CREB5: variants seen among roughly 807,000 people sequenced by gnomAD.
The protein encoded by CREB5 is cyclic AMP-responsive element-binding protein 5.
Under a neutral mutation model 57.1 loss-of-function variants are expected in CREB5, and 19 were observed. The observed-to-expected ratio is 0.33, with a 90% confidence interval of 0.23 to 0.49. The LOEUF (loss-of-function observed/expected upper bound fraction) is 0.49. Ranked by LOEUF, CREB5 falls within the 20% of genes least tolerant of loss-of-function variation. CREB5 has a pLI of 0.99. For missense variants in CREB5, 579 were observed against 671.6 expected (o/e 0.86, Z 1.52); for synonymous variants, 238 against 238.3 (o/e 1.00, Z 0.01).
chr7:28,482,965 G>T (rs920274654), intron 1 of CREB5, among the ~76,000 whole-genome samples: 1 of 152,176 alleles, frequency 6.6e-6, no homozygotes, highest in Non-Finnish European at 1.5e-5. Flanking sequence ...GAGGAAACTT[G>T]TGCCATCCCA....
chr7:28,548,624 C>G (rs150359232), intron 4 of CREB5, among the ~76,000 whole-genome samples: 1 of 152,282 alleles, frequency 6.6e-6, no homozygotes, highest in African/African-American at 2.4e-5. Flanking sequence ...CATAGAAATT[C>G]CCATGATGCT....
At chr7:28,534,656 A>G (rs1793881893) in intron 4 of CREB5, among the ~76,000 whole-genome samples, 1 of 150,418 alleles carries the variant, frequency 6.6e-6, no homozygotes, top group Non-Finnish European at 1.5e-5. Context: ...TTCCTCTTTC[A>G]TTTACCTTAC....
intron 1 of CREB5, among the ~76,000 whole-genome samples, chr7:28,373,239 T>C (rs757260102): frequency 1.2e-4 from 19 of 152,122 alleles, no homozygotes; most frequent in Admixed American, 9.8e-4. Flanking sequence ...ACGGTCAGGA[T>C]TGACAAAAAG....
intron 5 of CREB5, among the ~76,000 whole-genome samples, chr7:28,621,226 G>A (rs1401504591): frequency 6.6e-6 from 1 of 152,082 alleles, no homozygotes; most frequent in Non-Finnish European, 1.5e-5. Context: ...CCACATCTCT[G>A]GTAGCATAAT....
At chr7:28,788,360 T>G (rs1807459304) in intron 7 of CREB5, among the ~76,000 whole-genome samples, 1 of 152,166 alleles carries the variant, frequency 6.6e-6, no homozygotes, top group African/African-American at 2.4e-5. Flanking sequence ...ATGACCAGGT[T>G]AGGCCAGGGT....
chr7:28,450,193 T>C (rs6970730), intron 1 of CREB5, among the ~76,000 whole-genome samples: 43,131 of 152,178 alleles, frequency 0.28, 6,288 homozygotes, highest in South Asian at 0.36. Flanking sequence ...GTTTGATTGA[T>C]GAATCCTGTT....
At chr7:28,818,664 C>A in intron 10 of CREB5, 1 of 439,094 alleles carries the variant, frequency 2.3e-6, no homozygotes, top group Non-Finnish European at 4.5e-6. Flanking sequence ...GTTTCTGCAT[C>A]TGGAATGCCA....
intron 7 of CREB5, among the ~76,000 whole-genome samples, chr7:28,778,280 C>T (rs986039105): frequency 2.6e-5 from 4 of 152,170 alleles, no homozygotes; most frequent in African/African-American, 4.8e-5. Flanking sequence ...GTTAAGCCTA[C>T]CAGTGACAAG....
rs373943519 is a variant in CREB5 at position 28,532,895 on chromosome 7, G to C, written c.291+25158G>C. ...GTAATAGCACCAACCCCTTAGACAAGAGTTACTGTGGGAAATAACTTAGAA... is the reference window on the plus strand; with the variant it reads ...GTAATAGCACCAACCCCTTAGACAACAGTTACTGTGGGAAATAACTTAGAA... On this transcript the variant is annotated intron_variant, in intron 4 of 10. Transcript: ENST00000357727. 3.9e-5 allele frequency among the ~76,000 whole-genome samples: 6 copies of C among 152,224 alleles called. No homozygotes were observed. In the East Asian group the frequency reaches 1.2e-3, roughly 29 times the overall value.
rs1562797820 is a variant in CREB5, at chr7:28,560,917, TGTGTGC to T, written c.292-9446_292-9441del. ...GTGTGCGTGCGCGCGTGCGTGTGCGTGTGTGCGCGTGCGTGTGTGCGTGCGTGTGTG... is the reference window on the plus strand; with the variant it reads ...GTGTGCGTGCGCGCGTGCGTGTGCGTGCGTGCGTGTGTGCGTGCGTGTGTG... On this transcript the variant is annotated intron_variant, in intron 4 of 10. Coordinates refer to ENST00000357727, the MANE Select transcript of CREB5 (RefSeq NM_182898.4). Among the ~76,000 whole-genome samples, 27 of 80,810 alleles carry T rather than the reference TGTGTGC, an allele frequency of 3.3e-4. 4 individuals are homozygous for T. Among genetic ancestry groups the T allele is most frequent in the East Asian group, 1.5e-3 (2 of 1,308 alleles). 53.0% of individuals were successfully genotyped at this position (80,810 alleles called of 152,430 possible).
At chr7:28,697,394 T>G (rs1801631708) in intron 5 of CREB5, among the ~76,000 whole-genome samples, 1 of 152,076 alleles carries the variant, frequency 6.6e-6, no homozygotes, top group African/African-American at 2.4e-5. Context: ...AGGTATTTTG[T>G]TTTCAAACTG....
rs151206947 is a variant in CREB5, at chr7:28,349,725, G to A, written c.-25+50284G>A. ...CGATGGAGGGACACCAGGAGAGGAT[G>A]TACAACTGGGGGATGTCACCATGAT... On this transcript the variant is annotated intron_variant, in intron 1 of 9. Coordinates refer to the CREB5 transcript ENST00000396299. 2.2e-3 allele frequency among the ~76,000 whole-genome samples: 328 copies of A among 152,232 alleles called. 1 individual carries two copies. Among genetic ancestry groups the A allele is most frequent in the Non-Finnish European group, 3.8e-3 (258 of 68,024 alleles).
At chr7:28,557,937 A>G (rs938530198) in intron 4 of CREB5, among the ~76,000 whole-genome samples, 4 of 132,332 alleles carry the variant, frequency 3.0e-5, no homozygotes, top group African/African-American at 1.1e-4. Context: ...CTCCTATTGC[A>G]CCAGGGACCC....
chr7:28,329,440 G>A (rs966965942), intron 1 of CREB5, among the ~76,000 whole-genome samples: 7 of 152,202 alleles, frequency 4.6e-5, no homozygotes, highest in African/African-American at 7.2e-5. Context: ...AATTGGGGCC[G>A]AAGCCTCTCA....
intron 1 of CREB5, among the ~76,000 whole-genome samples, chr7:28,319,427 C>A (rs1024784113): frequency 6.6e-6 from 1 of 152,156 alleles, no homozygotes; most frequent in Non-Finnish European, 1.5e-5. Flanking sequence ...TAAAAGAGAG[C>A]AAAGGTGTGT....
rs1791651685 is a variant in CREB5 at position 28,488,188 on chromosome 7, C to G, written c.17C>G (p.Ser6Cys). Reference protein sequence around the residue: MIYEESKMNLEQERPF... With the variant: MIYEECKMNLEQERPF... The stretch of plus-strand genomic sequence containing the variant: ...CTGATCCTTCAGATTTATGAGGAAT[C>G]CAAGATGAATTTGGAGCAGGAGAGG... Residue 6 changes from serine (S) to cysteine (C), a missense_variant, in exon 2 of 11, where the codon TCC (serine) becomes TGC (cysteine). Ser to Cys is a moderately radical substitution (Grantham distance 112). Around this residue, in one of 3 missense-constraint regions of CREB5, gnomAD observed 459 missense variants for 515.7 expected, o/e 0.89. Transcript: ENST00000357727. 1 of 1,613,736 alleles carries G rather than the reference C, an allele frequency of 6.2e-7. No individual in the cohort carries two copies. The highest frequency in any genetic ancestry group is 8.5e-7 in the Non-Finnish European group (1 of 1,179,858).
At chr7:28,608,819 T>A (rs971658968) in intron 5 of CREB5, among the ~76,000 whole-genome samples, 34 of 152,182 alleles carry the variant, frequency 2.2e-4, no homozygotes, top group African/African-American at 8.2e-4. Flanking sequence ...GGACTGTTGG[T>A]TTTGTGTAAG....
chr7:28,593,043 C>T (rs1796578974), intron 5 of CREB5, among the ~76,000 whole-genome samples: 1 of 152,172 alleles, frequency 6.6e-6, no homozygotes, highest in Non-Finnish European at 1.5e-5. Flanking sequence ...CAGGTCAAAC[C>T]ACTCAAAGAT....
chr7:28,356,379 C>T (rs1562672197), intron 1 of CREB5, among the ~76,000 whole-genome samples: 1 of 152,184 alleles, frequency 6.6e-6, no homozygotes, highest in Non-Finnish European at 1.5e-5. Context: ...GTGAAACACC[C>T]TCTCTACTTA....
Sources: gnomAD v4.1 joint callset for allele counts (sites outside exome capture counted in the v4.1 genomes callset) on GRCh38, gnomAD v4.1.1 for gene constraint, gnomAD v4.1.1 regional missense constraint, MANE v1.5 for transcripts, NCBI Gene and HGNC (gene_info 2026-07-23, HGNC 2026-07-21) for gene names.